The following ALK variants were observed in gnomAD, a reference collection of about 807,000 sequenced individuals.
ALK encodes the protein ALK tyrosine kinase receptor.
Under a neutral mutation model 163.1 loss-of-function variants are expected in ALK, and 74 were observed. The observed-to-expected ratio is 0.45, with a 90% CI of 0.38 to 0.55. ALK has a LOEUF of 0.55. Among genes scored for constraint, ALK ranks in the 20% least tolerant of loss-of-function variants. The pLI is 0.00. For synonymous variants in ALK, 960 were observed against 843.2 expected, an observed-to-expected ratio of 1.14 and a Z score of -2.40; for missense variants, 2,063 against 2,105.3, an observed-to-expected ratio of 0.98 and a Z score of 0.39.
At chr2:29,248,913 T>G (rs985646140) in intron 12 of ALK, among the ~76,000 whole-genome samples, 1 of 152,230 alleles carries the variant, frequency 6.6e-6, no homozygotes, top group Admixed American at 6.5e-5. Flanking sequence ...AACTACCGCG[T>G]ATGGGGTCGG....
At chr2:29,435,063 A>G (rs773980948) in intron 4 of ALK, among the ~76,000 whole-genome samples, 3 of 152,144 alleles carry the variant, frequency 2.0e-5, no homozygotes, top group South Asian at 2.1e-4. Context: ...GCTGACCCAT[A>G]TCAAGCAAAG....
intron 5 of ALK, among the ~76,000 whole-genome samples, chr2:29,362,067 G>C (rs978115466): frequency 6.6e-6 from 1 of 152,148 alleles, no homozygotes; most frequent in Admixed American, 6.5e-5. Flanking sequence ...GAAGGACCTG[G>C]AGGAGAAACA....
At chr2:29,311,595 C>T (rs913313604) in intron 8 of ALK, among the ~76,000 whole-genome samples, 1 of 152,148 alleles carries the variant, frequency 6.6e-6, no homozygotes, top group Non-Finnish European at 1.5e-5. Context: ...TGCTCTGGGC[C>T]GTGTCACCAG....
intron 1 of ALK, among the ~76,000 whole-genome samples, chr2:29,859,197 T>G (rs368184687): frequency 6.6e-6 from 1 of 152,164 alleles, no homozygotes; most frequent in African/African-American, 2.4e-5. Context: ...GGAAGGGTTA[T>G]GTACTGGGGA....
Position 29,637,132 on chromosome 2 carries a change from C to T in ALK, c.952+57718G>A, listed in dbSNP as rs535875298. Among the ~76,000 whole-genome samples, 10 of 152,260 alleles carry T rather than the reference C, an allele frequency of 6.6e-5. No homozygotes were observed. The South Asian group carries it at 2.1e-3, about 32-fold the overall frequency. ...AGACATGTTCACACAAAAATCTGTA[C>T]ACAAATATTTAGAGCAATTTTATTC... On this transcript the variant is annotated intron_variant, in intron 3 of 28. Transcript: ENST00000389048.
chr2:29,813,558 T>C (rs1037289383), intron 1 of ALK, among the ~76,000 whole-genome samples: 5 of 152,190 alleles, frequency 3.3e-5, no homozygotes, highest in East Asian at 1.9e-4. Flanking sequence ...TCATTATTTA[T>C]ATTAAAAAAG....
intron 3 of ALK, among the ~76,000 whole-genome samples, chr2:29,537,398 G>A (rs1010750562): frequency 6.6e-6 from 1 of 152,188 alleles, no homozygotes; most frequent in Non-Finnish European, 1.5e-5. Flanking sequence ...GGCTCAAAAG[G>A]GCCCAGGTAC....
Position 29,531,978 on chromosome 2 carries a change from T to C in ALK, c.1091A>G (p.Gln364Arg). The C allele has an allele frequency of 6.2e-7, 1 of 1,614,172 alleles. No individual in the cohort carries two copies. Among genetic ancestry groups the C allele is most frequent in the Admixed American group, 1.7e-5 (1 of 60,028 alleles). ...TGCAGCCTCGTTGTGGGGCAGCAGC[T>C]GGGCAATGTACCTTCCAGAGGGCTG... ...HLQPSGRYIA[Q>R]LLPHNEAARE... Residue 364 changes from glutamine (Q) to arginine (R), a missense_variant, in exon 4 of 29, where the codon CAG (glutamine) becomes CGG (arginine). By Grantham distance (43) the Gln-to-Arg change is conservative. Around this residue, in one of 5 missense-constraint regions of ALK, gnomAD observed 987 missense variants for 939.5 expected, o/e 1.05. Transcript: ENST00000389048.
At chr2:29,841,440 G>T (rs537252139) in intron 1 of ALK, among the ~76,000 whole-genome samples, 1 of 152,202 alleles carries the variant, frequency 6.6e-6, no homozygotes, top group East Asian at 1.9e-4. Flanking sequence ...CATGGCAGGT[G>T]CTCTTCCATT....
At chr2:29,470,854 TATAATA>T (rs1222023976) in intron 4 of ALK, among the ~76,000 whole-genome samples, 3 of 152,146 alleles carry the variant, frequency 2.0e-5, no homozygotes, top group African/African-American at 7.2e-5. Flanking sequence ...GGCTAATTAA[TATAATA>T]ATAGTGTCTT....
chr2:29,659,747 G>C (rs1395806241), intron 3 of ALK, among the ~76,000 whole-genome samples: 2 of 152,136 alleles, frequency 1.3e-5, no homozygotes, highest in South Asian at 4.1e-4. Context: ...GTCTTATTCT[G>C]TCTTGTATTG....
At chr2:29,395,855 C>G (rs943933690) in intron 4 of ALK, among the ~76,000 whole-genome samples, 9 of 152,168 alleles carry the variant, frequency 5.9e-5, no homozygotes. Context: ...TAGCTCATAC[C>G]CTTTTGCCTA....
At chr2:29,310,875 A>T (rs746598102) in intron 8 of ALK, among the ~76,000 whole-genome samples, 11 of 152,286 alleles carry the variant, frequency 7.2e-5, no homozygotes, top group Admixed American at 7.2e-4. Context: ...TTTGACACAC[A>T]GGGGATTCTC....
chr2:29,573,883 TAAGAAAAGATCTCACTG>T (rs993292402), intron 3 of ALK, among the ~76,000 whole-genome samples: 7 of 151,984 alleles, frequency 4.6e-5, no homozygotes, highest in South Asian at 2.1e-4. Context: ...GGGTGGGTGG[TAAGAAAAGATCTCACTG>T]AAGAAAAGAT....
intron 2 of ALK, among the ~76,000 whole-genome samples, chr2:29,695,861 G>A (rs1190867019): frequency 6.6e-6 from 1 of 152,192 alleles, no homozygotes; most frequent in African/African-American, 2.4e-5. Flanking sequence ...AAAGGAAACA[G>A]ATGCTGGAGA....
chr2:29,401,095 C>T (rs543405644), intron 4 of ALK, among the ~76,000 whole-genome samples: 2 of 152,162 alleles, frequency 1.3e-5, no homozygotes, highest in Non-Finnish European at 1.5e-5. Flanking sequence ...ATACAAAGCA[C>T]TAAATGGCAT....
intron 4 of ALK, among the ~76,000 whole-genome samples, chr2:29,494,982 G>T (rs764939935): frequency 6.6e-6 from 1 of 151,834 alleles, no homozygotes; most frequent in Non-Finnish European, 1.5e-5. Context: ...CATAGATATC[G>T]CTCACCTGCG....
intron 3 of ALK, among the ~76,000 whole-genome samples, chr2:29,553,443 A>G (rs1573451203): frequency 6.6e-6 from 1 of 152,198 alleles, no homozygotes; most frequent in African/African-American, 2.4e-5. Flanking sequence ...TAGCAGCACA[A>G]ATCGACTAAG....
chr2:29,426,255 G>A (rs191844915), intron 4 of ALK, among the ~76,000 whole-genome samples: 5 of 152,220 alleles, frequency 3.3e-5, no homozygotes, highest in Admixed American at 3.3e-4. Context: ...CAGGGAAATA[G>A]ACTACACTAA....
Sources: allele counts gnomAD v4.1 joint callset (sites outside exome capture counted in the v4.1 genomes callset), GRCh38; gene constraint gnomAD v4.1.1; regional missense constraint gnomAD v4.1.1; transcripts MANE v1.5; gene names NCBI Gene and HGNC (gene_info 2026-07-23, HGNC 2026-07-21).